CACNA1E: variants seen among roughly 807,000 people sequenced by gnomAD.
CACNA1E encodes the protein calcium voltage-gated channel subunit alpha1 E.
Under a neutral mutation model 259.2 loss-of-function variants are expected in CACNA1E, and 40 were observed. The observed-to-expected ratio is 0.15, with a 90% confidence interval of 0.12 to 0.20. The LOEUF (loss-of-function observed/expected upper bound fraction) is 0.20. Ranked by LOEUF, CACNA1E falls within the 10% of genes least tolerant of loss-of-function variation. The pLI is 1.00. For missense variants in CACNA1E, 1,874 were observed against 3,040.1 expected (o/e 0.62, Z 9.02); for synonymous variants, 1,104 against 1,138.5 (o/e 0.97, Z 0.61).
At chr1:181,523,088 G>A (rs1472678391) in intron 3 of CACNA1E, among the ~76,000 whole-genome samples, 1 of 152,190 alleles carries the variant, frequency 6.6e-6, no homozygotes, top group Non-Finnish European at 1.5e-5. Flanking sequence ...TTCTGACCAA[G>A]ACCTTCTTAG....
chr1:181,357,837 A>G (rs1288904871), intron 1 of CACNA1E, among the ~76,000 whole-genome samples: 1 of 152,138 alleles, frequency 6.6e-6, no homozygotes, highest in Non-Finnish European at 1.5e-5. Flanking sequence ...CCATGCCTGG[A>G]ATCTCTGCCT....
intron 1 of CACNA1E, among the ~76,000 whole-genome samples, chr1:181,500,783 C>A (rs1481170115): frequency 6.6e-6 from 1 of 152,224 alleles, no homozygotes; most frequent in Non-Finnish European, 1.5e-5. Flanking sequence ...CAGTAGGTGT[C>A]TTTGAATGCC....
At chr1:181,320,110 G>T (rs1036623712) in intron 1 of CACNA1E, among the ~76,000 whole-genome samples, 18 of 152,216 alleles carry the variant, frequency 1.2e-4, no homozygotes, top group Admixed American at 3.3e-4. Context: ...TGTGGTGATG[G>T]TAGCATGATA....
intron 7 of CACNA1E, among the ~76,000 whole-genome samples, chr1:181,667,229 G>T (rs1648322727): frequency 6.6e-6 from 1 of 152,192 alleles, no homozygotes; most frequent in African/African-American, 2.4e-5. Context: ...AGAAAATGAG[G>T]ATTTCAAGCA....
At chr1:181,687,035 T>G (rs1650649372) in intron 7 of CACNA1E, among the ~76,000 whole-genome samples, 1 of 151,844 alleles carries the variant, frequency 6.6e-6, no homozygotes, top group Non-Finnish European at 1.5e-5. Flanking sequence ...TTGATGTGAT[T>G]GGGAACATGA....
At chr1:181,632,103 G>A (rs962377479) in intron 6 of CACNA1E, among the ~76,000 whole-genome samples, 2 of 152,170 alleles carry the variant, frequency 1.3e-5, no homozygotes, top group African/African-American at 2.4e-5. Flanking sequence ...AATTGAATAA[G>A]CTGATGCAAT....
chr1:181,673,252 C>T (rs1333577560), intron 7 of CACNA1E, among the ~76,000 whole-genome samples: 1 of 151,942 alleles, frequency 6.6e-6, no homozygotes, highest in East Asian at 1.9e-4. Flanking sequence ...GTATTTTTCC[C>T]CCATCCATCA....
chr1:181,449,707 C>T (rs892686206), intron 2 of CACNA1E, among the ~76,000 whole-genome samples: 1 of 152,332 alleles, frequency 6.6e-6, no homozygotes, highest in East Asian at 1.9e-4. Flanking sequence ...CTGCCAATGC[C>T]TATCCACAGA....
upstream of CACNA1E, among the ~76,000 whole-genome samples, chr1:181,482,677 T>G (rs1462701831): frequency 3.3e-5 from 5 of 152,220 alleles, no homozygotes; most frequent in Non-Finnish European, 7.3e-5. Context: ...CCGCATCTTC[T>G]CCAGTGCTCC....
intron 12 of CACNA1E, among the ~76,000 whole-genome samples, chr1:181,718,562 T>A (rs1654119592): frequency 6.6e-6 from 1 of 151,784 alleles, no homozygotes. Flanking sequence ...TATTTGTTTT[T>A]CTACTTCAGT....
intron 3 of CACNA1E, among the ~76,000 whole-genome samples, chr1:181,546,674 C>A (rs1647510337): frequency 6.6e-6 from 1 of 152,190 alleles, no homozygotes; most frequent in Admixed American, 6.5e-5. Flanking sequence ...CGGTGATAAA[C>A]ACACCCTCTT....
chr1:181,635,317 A>T (rs1657110341), intron 6 of CACNA1E, among the ~76,000 whole-genome samples: 1 of 152,194 alleles, frequency 6.6e-6, no homozygotes, highest in Non-Finnish European at 1.5e-5. Context: ...GGCAGCAACC[A>T]GTTGAGATCA....
At chr1:181,472,288 A>G (rs1348310572) in intron 2 of CACNA1E, among the ~76,000 whole-genome samples, 2 of 152,162 alleles carry the variant, frequency 1.3e-5, no homozygotes, top group Non-Finnish European at 2.9e-5. Flanking sequence ...TGTAGGATGA[A>G]TGAGTCTAGA....
At chr1:181,411,776 A>G (rs1456035326) in intron 1 of CACNA1E, among the ~76,000 whole-genome samples, 1 of 152,144 alleles carries the variant, frequency 6.6e-6, no homozygotes, top group Non-Finnish European at 1.5e-5. Flanking sequence ...CACCTGGCTA[A>G]TTTTTGTATT....
rs113525216 is a variant in CACNA1E, at chr1:181,653,215, A to T, written c.1055+1774A>T. 8.7e-3 allele frequency among the ~76,000 whole-genome samples: 1,324 copies of T among 152,194 alleles called. 17 individuals carry two copies. Among genetic ancestry groups the T allele is most frequent in the African/African-American group, 0.031 (1,274 of 41,530 alleles). ...CAAAATCTGGTAGGGCCATTGATAT[A>T]GTTTGGCTGTGTCCCCACCCAAATC... On this transcript the variant is annotated intron_variant, in intron 7 of 47. Transcript: ENST00000367573.
chr1:181,680,922 A>T (rs1336640964), intron 7 of CACNA1E, among the ~76,000 whole-genome samples: 1 of 152,048 alleles, frequency 6.6e-6, no homozygotes, highest in Non-Finnish European at 1.5e-5. Context: ...TCACACAGGG[A>T]CTCAGGCTGA....
At chr1:181,336,246 A>G (rs1206416312) in intron 1 of CACNA1E, among the ~76,000 whole-genome samples, 1 of 152,246 alleles carries the variant, frequency 6.6e-6, no homozygotes, top group Non-Finnish European at 1.5e-5. Context: ...GTACTTGGCA[A>G]AATGCCCAGA....
chr1:181,459,207 T>C (rs1465979134), intron 2 of CACNA1E, among the ~76,000 whole-genome samples: 2 of 152,208 alleles, frequency 1.3e-5, no homozygotes, highest in African/African-American at 4.8e-5. Context: ...GGGAACAACA[T>C]TCCCAGTACA....
At chr1:181,359,935 G>T (rs1653738045) in intron 1 of CACNA1E, among the ~76,000 whole-genome samples, 1 of 152,142 alleles carries the variant, frequency 6.6e-6, no homozygotes, top group South Asian at 2.1e-4. Context: ...AATTCACACT[G>T]GCAGTTGCTG....
Sources: allele counts gnomAD v4.1 joint callset (sites outside exome capture counted in the v4.1 genomes callset), GRCh38; gene constraint gnomAD v4.1.1; transcripts MANE v1.5; gene names NCBI Gene and HGNC (gene_info 2026-07-23, HGNC 2026-07-21).